RSF1: variants seen among roughly 807,000 people sequenced by gnomAD.
RSF1 encodes the protein remodeling and spacing factor 1.
In RSF1, 13 loss-of-function variants were observed where a neutral mutation model predicts 145.2. The ratio of observed to expected loss-of-function variants is 0.09; its 90% CI spans 0.06 to 0.14. RSF1 has a LOEUF of 0.14. RSF1 is among the 10% of genes least tolerant of loss of function. The pLI, the probability that RSF1 is intolerant of heterozygous loss-of-function variation, is 1.00. For synonymous variants in RSF1, 577 were observed against 592.6 expected, an observed-to-expected ratio of 0.97 and a Z score of 0.38; for missense variants, 1,517 against 1,718.2, an observed-to-expected ratio of 0.88 and a Z score of 2.07.
the RSF1 span, among the ~76,000 whole-genome samples, chr11:77,857,574 T>C: frequency 6.6e-6 from 1 of 152,152 alleles, no homozygotes; most frequent in African/African-American, 2.4e-5. Flanking sequence ...TATTTTGTTT[T>C]ATTTATTTAT....
chr11:77,743,940 C>A (rs1200205232), intron 3 of RSF1, among the ~76,000 whole-genome samples: 2 of 152,134 alleles, frequency 1.3e-5, no homozygotes. Context: ...TGAATTTTCT[C>A]AAATGTTTTT....
At chr11:77,762,024 T>C (rs1245272914) in intron 2 of RSF1, 1 of 77,202 alleles carries the variant, frequency 1.3e-5, no homozygotes, top group Non-Finnish European at 3.0e-5. Flanking sequence ...TTTCTTTTCT[T>C]TTCTTTTTTT....
chr11:77,777,948 C>T (rs1022378781), intron 1 of RSF1, among the ~76,000 whole-genome samples: 1 of 148,076 alleles, frequency 6.8e-6, no homozygotes, highest in African/African-American at 2.5e-5. Context: ...TTCTTATGTG[C>T]ATAAAATCTA....
At chr11:77,753,394 T>G (rs1948083659) in intron 2 of RSF1, among the ~76,000 whole-genome samples, 1 of 152,192 alleles carries the variant, frequency 6.6e-6, no homozygotes, top group Non-Finnish European at 1.5e-5. Flanking sequence ...AGTTTACAAT[T>G]TAAATGACAA....
intron 13 of RSF1, among the ~76,000 whole-genome samples, chr11:77,675,938 T>C (rs1282153468): frequency 6.6e-6 from 1 of 152,198 alleles, no homozygotes; most frequent in Non-Finnish European, 1.5e-5. Flanking sequence ...GCATGACAAA[T>C]AAAACACTCC....
In RSF1 at chr11:77,663,076, G is replaced by A. The variant is rs749739191; in HGVS notation, c.*3841C>T. On this transcript the variant is annotated 3_prime_UTR_variant, in exon 16 of 16. Coordinates refer to ENST00000308488, the MANE Select transcript of RSF1 (RefSeq NM_016578.4). Reference sequence around the variant, plus strand: ...TTTAACTCTGGGTCTTTGAATAGTTGTTCTATAGCTGTGAGGCATCACCTT... The same window carrying A: ...TTTAACTCTGGGTCTTTGAATAGTTATTCTATAGCTGTGAGGCATCACCTT... 1 of 152,118 alleles carries A rather than the reference G, an allele frequency of 6.6e-6. No homozygotes were observed. Among genetic ancestry groups the A allele is most frequent in the East Asian group, 1.9e-4 (1 of 5,188 alleles). 9.4% of individuals were successfully genotyped at this position (152,118 alleles called of 1,614,324 possible).
At chr11:77,862,385 C>T in the RSF1 span, among the ~76,000 whole-genome samples, 1 of 152,132 alleles carries the variant, frequency 6.6e-6, no homozygotes, top group African/African-American at 2.4e-5. Flanking sequence ...TCAATATAGC[C>T]ATCAGGGTTA....
the RSF1 span, among the ~76,000 whole-genome samples, chr11:77,849,211 TTTTTTA>T: frequency 1.3e-5 from 2 of 151,800 alleles, no homozygotes; most frequent in African/African-American, 4.8e-5. Context: ...TAATTTTTTA[TTTTTTA>T]TTTTTATTTT....
At chr11:77,813,679 C>T in intron 1 of RSF1, 1 of 503,934 alleles carries the variant, frequency 2.0e-6, no homozygotes, top group Non-Finnish European at 3.8e-6. Flanking sequence ...AAAGCCATAG[C>T]TGCTGCACGG....
intron 2 of RSF1, among the ~76,000 whole-genome samples, chr11:77,754,589 C>A (rs1948097193): frequency 6.7e-6 from 1 of 148,414 alleles, no homozygotes; most frequent in African/African-American, 2.5e-5. Flanking sequence ...AAAAAATTAG[C>A]CAGGCATGGT....
At chr11:77,728,297 TG>T (rs1565161972) in intron 4 of RSF1, among the ~76,000 whole-genome samples, 1 of 152,182 alleles carries the variant, frequency 6.6e-6, no homozygotes, top group East Asian at 1.9e-4. Context: ...TATCTACATA[TG>T]GAAATACTAC....
At chr11:77,862,631 G>A in the RSF1 span, among the ~76,000 whole-genome samples, 1 of 152,200 alleles carries the variant, frequency 6.6e-6, no homozygotes, top group Non-Finnish European at 1.5e-5. Context: ...CCGGAGTAGG[G>A]AGGTAGACTC....
chr11:77,725,746 C>A, intron 4 of RSF1, 47 bp from the exon 5 acceptor site: 1 of 1,434,642 alleles, frequency 7.0e-7, no homozygotes, highest in South Asian at 1.6e-5. Context: ...TTTTCCTGTT[C>A]TAGAGAACTT....
chr11:77,774,968 A>G (rs1417429489), intron 1 of RSF1, among the ~76,000 whole-genome samples: 1 of 148,210 alleles, frequency 6.7e-6, no homozygotes, highest in Admixed American at 6.8e-5. Flanking sequence ...AGGTTTCACT[A>G]TGTTGGCCAG....
intron 1 of RSF1, among the ~76,000 whole-genome samples, chr11:77,817,720 A>G (rs1290507584): frequency 6.6e-6 from 1 of 152,210 alleles, no homozygotes; most frequent in African/African-American, 2.4e-5. Context: ...CCTGCCAAAT[A>G]GGAATAATAC....
intron 8 of RSF1, 70 bp downstream of exon 8, chr11:77,693,437 G>A: frequency 1.2e-5 from 11 of 913,462 alleles, no homozygotes; most frequent in Non-Finnish European, 2.0e-5. Flanking sequence ...TATTCATTCA[G>A]TAGCTATTAA....
intron 10 of RSF1, among the ~76,000 whole-genome samples, chr11:77,684,856 G>A (rs1003474433): frequency 1.3e-5 from 2 of 151,978 alleles, no homozygotes; most frequent in Non-Finnish European, 2.9e-5. Flanking sequence ...GTATGGTGGC[G>A]GGCACCTGTA....
At chr11:77,678,218 T>C in intron 11 of RSF1, 65 bp from the exon 12 acceptor site, 1 of 914,144 alleles carries the variant, frequency 1.1e-6, no homozygotes, top group Non-Finnish European at 1.6e-6. Flanking sequence ...TTTTAATTAT[T>C]TTTATTTATT....
chr11:77,731,539 C>T (rs367658195), intron 4 of RSF1, among the ~76,000 whole-genome samples: 23 of 152,342 alleles, frequency 1.5e-4, no homozygotes, highest in African/African-American at 5.3e-4. Context: ...TGTCTCCAGG[C>T]ATGTCAGAGG....
Sources: allele counts gnomAD v4.1 joint callset (sites outside exome capture counted in the v4.1 genomes callset), GRCh38; gene constraint gnomAD v4.1.1; transcripts MANE v1.5; gene names NCBI Gene and HGNC (gene_info 2026-07-23, HGNC 2026-07-21).